Variants in ZFAND5 observed in about 807,000 individuals in gnomAD.
ZFAND5 encodes the protein zinc finger AN1-type containing 5.
In ZFAND5, 4 loss-of-function variants were observed where a neutral mutation model predicts 23.6. The ratio of observed to expected loss-of-function variants is 0.17; its 90% CI spans 0.08 to 0.39. The LOEUF is 0.39. Among genes scored for constraint, ZFAND5 ranks in the 10% least tolerant of loss-of-function variants. The pLI is 1.00. For synonymous variants in ZFAND5, 68 were observed against 80.6 expected (o/e 0.84, Z 0.84); for missense variants, 161 against 253.7 (o/e 0.63, Z 2.48).
At chr9:72,358,109 C>A (rs559812642) in intron 5 of ZFAND5, among the ~76,000 whole-genome samples, 1 of 152,106 alleles carries the variant, frequency 6.6e-6, no homozygotes, top group Non-Finnish European at 1.5e-5. Flanking sequence ...GCTCCTACAA[C>A]AAGCTGATTG....
Position 72,354,115 on chromosome 9 carries a change from ACT to A in ZFAND5, c.*1836_*1837del, listed in dbSNP as rs1484378137. On this transcript the variant is annotated 3_prime_UTR_variant, in exon 7 of 7. Transcript: ENST00000376962. Reference sequence around the variant, plus strand: ...AAACCCAAAACAGAAATAAAACAGAACTCTTTTTGTAAACTAAGTCATACCTA... The same window carrying A: ...AAACCCAAAACAGAAATAAAACAGAACTTTTTGTAAACTAAGTCATACCTA... 2.6e-5 allele frequency: 4 copies of A among 152,146 alleles called. No homozygotes were observed. The highest frequency in any genetic ancestry group is 4.4e-5 in the Non-Finnish European group (3 of 68,022). The allele number at this position is 152,146 out of a possible 1,614,324, so 9.4% of individuals were successfully genotyped here.
chr9:72,364,808 C>A lies in ZFAND5; in HGVS notation c.-259G>T, dbSNP rs1842217398. ...GGCGCCCTGGTGCCGCCGCCGCGGG[C>A]CGGGAGCGGGTCGGAGCAGCAGGCG... On this transcript the variant is annotated 5_prime_UTR_variant, in exon 1 of 7. Coordinates refer to ENST00000376962, the MANE Select transcript of ZFAND5 (RefSeq NM_001102420.3). The A allele has an allele frequency of 5.0e-6, 1 of 200,822 alleles. No individual in the cohort carries two copies. Among genetic ancestry groups the A allele is most frequent in the South Asian group, 1.0e-4 (1 of 9,532 alleles). 12.4% of individuals were successfully genotyped at this position (200,822 alleles called of 1,614,324 possible). A position where few individuals can be genotyped will look rare whatever the true frequency, so the allele number is the denominator to read the frequency against.
Position 72,351,661 on chromosome 9 carries a change from C to A in ZFAND5, c.*4292G>T, listed in dbSNP as rs1452362371. On this transcript the variant is annotated 3_prime_UTR_variant, in exon 7 of 7. Transcript: ENST00000376962. Reference sequence around the variant, plus strand: ...CTGTATATTTAGTCACCACCTCAACCACTGCTAAGCTCTCTTCATGTCTAT... The same window carrying A: ...CTGTATATTTAGTCACCACCTCAACAACTGCTAAGCTCTCTTCATGTCTAT... 1 of 151,454 alleles carries A rather than the reference C, an allele frequency of 6.6e-6. No homozygotes were observed. The highest frequency in any genetic ancestry group is 2.4e-5 in the African/African-American group (1 of 41,134). The allele number at this position is 151,454 out of a possible 1,614,324, so 9.4% of individuals were successfully genotyped here. A position where few individuals can be genotyped will look rare whatever the true frequency, so the allele number is the denominator to read the frequency against.
In ZFAND5 at chr9:72,364,698, T is replaced by C; in HGVS notation, c.-149A>G. On this transcript the variant is annotated splice_region_variant and 5_prime_UTR_variant, in exon 1 of 7. Coordinates refer to ENST00000376962, the MANE Select transcript of ZFAND5 (RefSeq NM_001102420.3). ...ACCCGCAGCCCCGTATCACTCACCC[T>C]GCAGGGTCCCAAATGCGAAAGCCGG... The C allele has an allele frequency of 2.1e-6, 2 of 963,940 alleles. No individual in the cohort carries two copies. Among genetic ancestry groups the C allele is most frequent in the South Asian group, 1.9e-5 (1 of 52,036 alleles). The allele number at this position is 963,940 out of a possible 1,614,324, so 59.7% of individuals were successfully genotyped here.
intron 1 of ZFAND5, chr9:72,364,318 G>A: frequency 1.1e-6 from 1 of 936,732 alleles, no homozygotes; most frequent in South Asian, 1.8e-5. Flanking sequence ...GAGCTAGGGG[G>A]GGCTGCAACG....
rs555758089 is a variant in ZFAND5 at position 72,352,634 on chromosome 9, C to T, written c.*3319G>A. Reference sequence around the variant, plus strand: ...CAGATCTCTTGCAAAGAAAGCCTTACGGAAAAGAATGATTCTAATGACTTT... The same window carrying T: ...CAGATCTCTTGCAAAGAAAGCCTTATGGAAAAGAATGATTCTAATGACTTT... On this transcript the variant is annotated 3_prime_UTR_variant, in exon 7 of 7. Coordinates refer to ENST00000376962, the MANE Select transcript of ZFAND5 (RefSeq NM_001102420.3). The T allele has an allele frequency of 3.3e-5, 5 of 152,262 alleles. No individual in the cohort carries two copies. In the South Asian group the frequency reaches 6.2e-4, roughly 19 times the overall value. 9.4% of individuals were successfully genotyped at this position (152,262 alleles called of 1,614,324 possible). A position where few individuals can be genotyped will look rare whatever the true frequency, so the allele number is the denominator to read the frequency against.
At chr9:72,363,435 CATG>C (rs756732635) in intron 2 of ZFAND5, 32 bp downstream of exon 2, 1 of 156,754 alleles carries the variant, frequency 6.4e-6, no homozygotes, top group Non-Finnish European at 1.4e-5. Flanking sequence ...TTCAGGTGCA[CATG>C]ATGTGATGAG....
intron 2 of ZFAND5, among the ~76,000 whole-genome samples, chr9:72,361,341 AAG>A (rs1171821133): frequency 2.4e-5 from 3 of 122,498 alleles, no homozygotes; most frequent in African/African-American, 9.5e-5. Context: ...TAAGGCTGAA[AAG>A]AGAACTGGTA....
chr9:72,359,926 G>C (rs1421206308), intron 4 of ZFAND5, among the ~76,000 whole-genome samples, 184 bp downstream of exon 4: 5 of 152,158 alleles, frequency 3.3e-5, no homozygotes, highest in African/African-American at 1.2e-4. Flanking sequence ...ATCCTTGAGG[G>C]GGTTAGGGAG....
chr9:72,359,849 G>T (rs1842047809), intron 4 of ZFAND5, among the ~76,000 whole-genome samples: 1 of 152,152 alleles, frequency 6.6e-6, no homozygotes, highest in South Asian at 2.1e-4. Context: ...ATATTCTACA[G>T]TCTCACTCGA....
At chr9:72,357,517 T>G (rs551934924) in intron 5 of ZFAND5, among the ~76,000 whole-genome samples, 1 of 152,124 alleles carries the variant, frequency 6.6e-6, no homozygotes, top group Non-Finnish European at 1.5e-5. Context: ...ATCCTGTAGA[T>G]ATAAAAACAG....
chr9:72,357,401 C>T (rs774854199), intron 5 of ZFAND5, among the ~76,000 whole-genome samples: 2 of 152,102 alleles, frequency 1.3e-5, no homozygotes, highest in Admixed American at 6.6e-5. Context: ...AGTTTTTCCA[C>T]GTTATAATTT....
chr9:72,355,814 A>G lies in ZFAND5; in HGVS notation c.*139T>C, dbSNP rs1841926638. The G allele has an allele frequency of 1.2e-6, 1 of 807,658 alleles. No individual in the cohort carries two copies. The allele number at this position is 807,658 out of a possible 1,614,324, so 50.0% of individuals were successfully genotyped here. On this transcript the variant is annotated 3_prime_UTR_variant, in exon 7 of 7. Transcript: ENST00000376962. ...GTAACAAACACCCAAACATCCTAAA[A>G]TATCAATTATAAGACAGACAAGTGT...
Position 72,353,662 on chromosome 9 carries a change from T to TATTGCACTGCAGCCTGGCCAAACAAAAAA in ZFAND5, c.*2290_*2291insTTTTTTGTTTGGCCAGGCTGCAGTGCAAT, listed in dbSNP as rs1841847435. The TATTGCACTGCAGCCTGGCCAAACAAAAAA allele has an allele frequency of 1.4e-5, 1 of 71,252 alleles. No homozygotes were observed. The highest frequency in any genetic ancestry group is 4.0e-5 in the African/African-American group (1 of 24,880). 4.4% of individuals were successfully genotyped at this position (71,252 alleles called of 1,614,324 possible). ...GCACTGCAGCCTGGCCAAACAAAAA[T>TATTGCACTGCAGCCTGGCCAAACAAAAAA]CTATCTCTTGCTACTACTCAGACCT... On this transcript the variant is annotated 3_prime_UTR_variant, in exon 7 of 7. Transcript: ENST00000376962.
At chr9:72,359,555 GT>G (rs1329015481) in intron 4 of ZFAND5, 34 bp from the exon 5 acceptor site, 1 of 1,585,628 alleles carries the variant, frequency 6.3e-7, no homozygotes, top group African/African-American at 1.3e-5. Context: ...TTTTAAAGGT[GT>G]TAAGGGTACT....
At chr9:72,360,828 A>G (rs752142186) in intron 2 of ZFAND5, 41 bp from the exon 3 acceptor site, 1 of 1,550,590 alleles carries the variant, frequency 6.4e-7, no homozygotes, top group Non-Finnish European at 8.8e-7. Flanking sequence ...TGTTATCACC[A>G]AAATATAGTC....
intron 1 of ZFAND5, 174 bp downstream of exon 1, chr9:72,364,522 A>C: frequency 7.8e-7 from 1 of 1,279,682 alleles, no homozygotes; most frequent in Non-Finnish European, 1.0e-6. Flanking sequence ...CGACAGGATG[A>C]CGCCTCCGTC....
chr9:72,360,083 T>A, intron 4 of ZFAND5, 27 bp downstream of exon 4: 1 of 1,583,072 alleles, frequency 6.3e-7, no homozygotes, highest in Non-Finnish European at 8.6e-7. Context: ...TGTAATATCA[T>A]AAAAACTCTG....
chr9:72,359,444 G>A lies in ZFAND5; in HGVS notation c.341C>T (p.Thr114Ile), dbSNP rs1296175920. The A allele has an allele frequency of 8.1e-6, 13 of 1,613,390 alleles. No individual in the cohort carries two copies. The highest frequency in any genetic ancestry group is 1.1e-5 in the Non-Finnish European group (13 of 1,179,628). Residue 114 changes from threonine to isoleucine, a missense_variant, in exon 5 of 7, where the codon ACC becomes ATC. Thr to Ile is a moderately conservative substitution (Grantham distance 89). Around this residue, in one of 3 missense-constraint regions of ZFAND5, gnomAD observed 116 missense variants for 115.2 expected, o/e 1.01. Coordinates refer to ENST00000376962, the MANE Select transcript of ZFAND5 (RefSeq NM_001102420.3). ...MSISREDKIT[T>I]PKTEVSEPVV... ...TGGCTCTGACACCTCTGTTTTCGGG[G>A]TAGTTATTTTGTCCTCTCTTGAAAT...
Sources: allele counts gnomAD v4.1 joint callset (sites outside exome capture counted in the v4.1 genomes callset), GRCh38; gene constraint gnomAD v4.1.1; regional missense constraint gnomAD v4.1.1; transcripts MANE v1.5; gene names NCBI Gene and HGNC (gene_info 2026-07-23, HGNC 2026-07-21).